Variants in KCNJ14 observed in about 807,000 individuals in gnomAD.
The protein encoded by KCNJ14 is potassium inwardly rectifying channel subfamily J member 14.
In KCNJ14, 18 loss-of-function variants were observed where a neutral mutation model predicts 24.5. That is an observed-to-expected ratio of 0.74 (90% CI 0.51 to 1.09). The LOEUF (loss-of-function observed/expected upper bound fraction) is 1.09. Ranked by LOEUF, KCNJ14 falls within the 50% of genes least tolerant of loss-of-function variation. The pLI, the probability that KCNJ14 is intolerant of heterozygous loss-of-function variation, is 0.00. For synonymous variants in KCNJ14, 288 were observed against 270.8 expected (o/e 1.06, Z -0.63); for missense variants, 633 against 623.0 (o/e 1.02, Z -0.17).
rs1179175946 is a variant in KCNJ14 at position 48,464,575 on chromosome 19, C to T, written c.1109C>T (p.Ala370Val). ...AGTGCTAAGGAGCTGGATGAACGGG[C>T]AGAGCAGGCTTCCCACAGCCTCAAG... is the stretch of plus-strand genomic sequence containing the variant. ...VCSAKELDER[A>V]EQASHSLKSS... Residue 370 changes from alanine (A) to valine (V), a missense_variant, in exon 3 of 3, where the codon GCA (alanine) becomes GTA (valine). By Grantham distance (64) the Ala-to-Val change is moderately conservative. Transcript: ENST00000342291. 1.9e-6 allele frequency: 3 copies of T among 1,614,110 alleles called. No homozygotes were observed. The highest frequency in any genetic ancestry group is 2.5e-6 in the Non-Finnish European group (3 of 1,180,028).
rs188584392 is a variant in KCNJ14, at chr19:48,465,769, A to G, written c.*992A>G. ...TTGCCCAATGGAGTTGAGAATCTCA[A>G]TGATTCTAGATGACTTCTTGTGGTT... On this transcript the variant is annotated 3_prime_UTR_variant, in exon 3 of 3. Coordinates refer to ENST00000342291, the MANE Select transcript of KCNJ14 (RefSeq NM_013348.4). 14 of 152,668 alleles carry G rather than the reference A, an allele frequency of 9.2e-5. No individual in the cohort carries two copies. The highest frequency in any genetic ancestry group is 1.5e-4 in the Non-Finnish European group (10 of 68,050). The allele number at this position is 152,668 out of a possible 1,614,324, so 9.5% of individuals were successfully genotyped here. A position where few individuals can be genotyped will look rare whatever the true frequency, so the allele number is the denominator to read the frequency against.
rs181422380 is a variant in KCNJ14 at position 48,466,291 on chromosome 19, G to C, written c.*1514G>C. Reference sequence around the variant, plus strand: ...GACGGGGTTTCGCCATGTTGGCGAGGTTGGTCTTGAACTCCCGACCTCAGA... The same window carrying C: ...GACGGGGTTTCGCCATGTTGGCGAGCTTGGTCTTGAACTCCCGACCTCAGA... On this transcript the variant is annotated 3_prime_UTR_variant, in exon 3 of 3. Coordinates refer to ENST00000342291, the MANE Select transcript of KCNJ14 (RefSeq NM_013348.4). 2.0e-5 allele frequency: 3 copies of C among 151,986 alleles called. No individual in the cohort carries two copies. In the East Asian group the frequency reaches 5.8e-4, roughly 29 times the overall value. 9.4% of individuals were successfully genotyped at this position (151,986 alleles called of 1,614,324 possible).
chr19:48,459,587 C>G (rs138922885), intron 1 of KCNJ14, among the ~76,000 whole-genome samples: 1 of 152,176 alleles, frequency 6.6e-6, no homozygotes, highest in Admixed American at 6.5e-5. Context: ...GTAGAGCAAG[C>G]CCCTTGCTAT....
intron 2 of KCNJ14, among the ~76,000 whole-genome samples, chr19:48,463,611 C>G (rs1375405750): frequency 6.6e-6 from 1 of 152,186 alleles, no homozygotes; most frequent in Non-Finnish European, 1.5e-5. Flanking sequence ...CAGGGATAAG[C>G]CTGAGGCAGT....
Position 48,462,144 on chromosome 19 carries a change from C to T in KCNJ14, c.420C>T (p.Phe140=), listed in dbSNP as rs1224194030. The change falls in exon 2 of 3, where the codon TTC becomes TTT. Residue 140 remains phenylalanine (F), a synonymous_variant. Coordinates refer to ENST00000342291, the MANE Select transcript of KCNJ14 (RefSeq NM_013348.4). This position sits in a 1 kb window ranked among gnomAD's most constrained non-coding sequence, Gnocchi z 4.9. The part of the protein sequence containing the change: ...HVASFLAAFL[F]ALETQTSIGY... ...CCAGCTTCCTGGCCGCCTTCCTCTT[C>T]GCGCTGGAGACGCAGACGTCCATCG... is the stretch of plus-strand genomic sequence containing the variant. The T allele has an allele frequency of 1.3e-6, 2 of 1,591,340 alleles. No individual in the cohort carries two copies. The highest frequency in any genetic ancestry group is 2.3e-5 in the East Asian group (1 of 43,766).
chr19:48,461,022 T>A (rs1474448884), intron 1 of KCNJ14, among the ~76,000 whole-genome samples: 1 of 151,000 alleles, frequency 6.6e-6, no homozygotes, highest in Non-Finnish European at 1.5e-5. Context: ...AAAAAAAATT[T>A]AAAAAAGAAG....
intron 1 of KCNJ14, among the ~76,000 whole-genome samples, chr19:48,457,400 A>C (rs1048302112): frequency 1.3e-5 from 2 of 152,216 alleles, no homozygotes; most frequent in African/African-American, 4.8e-5. Flanking sequence ...CAGAGATCCC[A>C]GGGGACATGG....
At chr19:48,456,817 C>T (rs1971544027) in intron 1 of KCNJ14, 1 of 151,930 alleles carries the variant, frequency 6.6e-6, no homozygotes, top group Non-Finnish European at 1.5e-5. Context: ...TGCTGCGATT[C>T]CCTCCATTTC....
In KCNJ14 at chr19:48,461,673, GT is replaced by G. The variant is rs1324451603; in HGVS notation, c.-50del. Reference sequence around the variant, plus strand: ...TTCTGCCGGTTTCTTGTCCCAGCAGGTTGGGGGCGCCTGCCCCCCACTAGGC... The same window carrying G: ...TTCTGCCGGTTTCTTGTCCCAGCAGGTGGGGGCGCCTGCCCCCCACTAGGC... On this transcript the variant is annotated 5_prime_UTR_variant, in exon 2 of 3. An upstream open reading frame in the 5' UTR loses its in-frame stop. Coordinates refer to ENST00000342291, the MANE Select transcript of KCNJ14 (RefSeq NM_013348.4). 28 of 1,189,804 alleles carry G rather than the reference GT, an allele frequency of 2.4e-5. No individual in the cohort carries two copies. The East Asian group carries it at 7.6e-4, about 32-fold the overall frequency. 73.7% of individuals were successfully genotyped at this position (1,189,804 alleles called of 1,614,324 possible).
chr19:48,458,935 CAAAAAAAA>C lies in KCNJ14; in HGVS notation c.-55-2718_-55-2711del, dbSNP rs34990679. On this transcript the variant is annotated intron_variant, in intron 1 of 2. Transcript: ENST00000342291. Reference sequence around the variant, plus strand: ...TGGGCCACTGAGTGAGACTCCGTCTCAAAAAAAAAAAAAAAAAAAAAAAAGCCGGGGGT... The same window carrying C: ...TGGGCCACTGAGTGAGACTCCGTCTCAAAAAAAAAAAAAAAAGCCGGGGGT... Among the ~76,000 whole-genome samples, 5 of 38,650 alleles carry C rather than the reference CAAAAAAAA, an allele frequency of 1.3e-4. 1 individual carries two copies. Among genetic ancestry groups the C allele is most frequent in the Admixed American group, 9.3e-4 (2 of 2,154 alleles). 25.4% of individuals were successfully genotyped at this position (38,650 alleles called of 152,430 possible). A position where few individuals can be genotyped will look rare whatever the true frequency, so the allele number is the denominator to read the frequency against.
rs1220464184 is a variant in KCNJ14, at chr19:48,465,640, T to C, written c.*863T>C. 1 of 152,538 alleles carries C rather than the reference T, an allele frequency of 6.6e-6. No homozygotes were observed. Among genetic ancestry groups the C allele is most frequent in the Non-Finnish European group, 1.5e-5 (1 of 68,032 alleles). The allele number at this position is 152,538 out of a possible 1,614,324, so 9.4% of individuals were successfully genotyped here. A position where few individuals can be genotyped will look rare whatever the true frequency, so the allele number is the denominator to read the frequency against. On this transcript the variant is annotated 3_prime_UTR_variant, in exon 3 of 3. Transcript: ENST00000342291. ...TGGGTTGTTTTTTTTTAAAGTGCCA[T>C]TCTAGAATGTCCAAAGGGAATCAGG...
chr19:48,457,532 T>C (rs1473213745), intron 1 of KCNJ14, among the ~76,000 whole-genome samples: 2 of 152,222 alleles, frequency 1.3e-5, no homozygotes, highest in Non-Finnish European at 2.9e-5. Flanking sequence ...CAGAAAGAGT[T>C]GCCAAAGATC....
At chr19:48,464,068 T>C in intron 2 of KCNJ14, 113 bp from the exon 3 acceptor site, 1 of 767,694 alleles carries the variant, frequency 1.3e-6, no homozygotes, top group Admixed American at 1.9e-5. Flanking sequence ...CTCACCCTTT[T>C]CTTCACTCCT....
At position 48,461,871 on chromosome 19, in the gene KCNJ14, C is replaced by T. The variant is rs754530854; in HGVS notation, c.147C>T (p.Arg49=). 1.3e-6 allele frequency: 2 copies of T among 1,577,874 alleles called. No individual in the cohort carries two copies. The highest frequency in any genetic ancestry group is 3.6e-5 in the Admixed American group (2 of 55,848). The part of the protein sequence containing the change: ...APVQSPVGRR[R]GRFVKKDGHC... The stretch of plus-strand genomic sequence containing the variant: ...TGCAGTCACCCGTGGGCCGGCGCCG[C>T]GGTCGCTTCGTCAAGAAAGACGGGC... Residue 49 remains arginine, a synonymous_variant, in exon 2 of 3, where the codon CGC becomes CGT. Transcript: ENST00000342291.
rs906427242 is a variant in KCNJ14 at position 48,465,765 on chromosome 19, C to T, written c.*988C>T. 11 of 152,614 alleles carry T rather than the reference C, an allele frequency of 7.2e-5. No homozygotes were observed. Among genetic ancestry groups the T allele is most frequent in the Non-Finnish European group, 4.4e-5 (3 of 68,040 alleles). The allele number at this position is 152,614 out of a possible 1,614,324, so 9.5% of individuals were successfully genotyped here. ...CAGTTTGCCCAATGGAGTTGAGAAT[C>T]TCAATGATTCTAGATGACTTCTTGT... On this transcript the variant is annotated 3_prime_UTR_variant, in exon 3 of 3. Coordinates refer to ENST00000342291, the MANE Select transcript of KCNJ14 (RefSeq NM_013348.4).
At position 48,462,342 on chromosome 19, in the gene KCNJ14, G is replaced by A. The variant is rs759532571; in HGVS notation, c.618G>A (p.Val206=). Reference sequence around the variant, plus strand: ...TGGTCTTCAGCGAGAACGCCGTCGTGGCGCTGCGCGACCACCGCCTCTGCC... The same window carrying A: ...TGGTCTTCAGCGAGAACGCCGTCGTAGCGCTGCGCGACCACCGCCTCTGCC... The part of the protein sequence containing the change: ...ETLVFSENAV[V]ALRDHRLCLM... Residue 206 remains valine, a synonymous_variant, in exon 2 of 3, where the codon GTG becomes GTA. Transcript: ENST00000342291. The surrounding 1 kb of genome is among the most constrained non-coding windows in gnomAD (Gnocchi z 4.9). 1.3e-6 allele frequency: 2 copies of A among 1,545,436 alleles called. No individual in the cohort carries two copies. Among genetic ancestry groups the A allele is most frequent in the South Asian group, 1.2e-5 (1 of 84,300 alleles).
rs574166609 is a variant in KCNJ14, at chr19:48,466,086, T to C, written c.*1309T>C. On this transcript the variant is annotated 3_prime_UTR_variant, in exon 3 of 3. Transcript: ENST00000342291. The stretch of plus-strand genomic sequence containing the variant: ...GTCTATTTCTTTTTCTTTTTCTTTT[T>C]TTTTTTTTTTTGAGACTGAGTCTCG... The C allele has an allele frequency of 2.0e-5, 3 of 146,884 alleles. No individual in the cohort carries two copies. Among genetic ancestry groups the C allele is most frequent in the African/African-American group, 7.3e-5 (3 of 40,988 alleles). The allele number at this position is 146,884 out of a possible 1,614,324, so 9.1% of individuals were successfully genotyped here.
At chr19:48,461,645 C>T (rs1971598413) in intron 1 of KCNJ14, 25 bp from the exon 2 acceptor site, 2 of 862,520 alleles carry the variant, frequency 2.3e-6, no homozygotes, top group African/African-American at 1.8e-5. Context: ...TTGCCCCTGA[C>T]GTTTCTGCCG....
chr19:48,462,341 T>C lies in KCNJ14; in HGVS notation c.617T>C (p.Val206Ala), dbSNP rs1971610844. 6.5e-7 allele frequency: 1 copy of C among 1,545,882 alleles called. No homozygotes were observed. Among genetic ancestry groups the C allele is most frequent in the Non-Finnish European group, 8.8e-7 (1 of 1,142,188 alleles). Residue 206 changes from valine (V) to alanine (A), a missense_variant, in exon 2 of 3, where the codon GTG becomes GCG. By Grantham distance (64) the Val-to-Ala change is moderately conservative (BLOSUM62 0). Coordinates refer to ENST00000342291, the MANE Select transcript of KCNJ14 (RefSeq NM_013348.4). The surrounding 1 kb of genome is among the most constrained non-coding windows in gnomAD (Gnocchi z 4.9). Reference sequence around the variant, plus strand: ...CTGGTCTTCAGCGAGAACGCCGTCGTGGCGCTGCGCGACCACCGCCTCTGC... The same window carrying C: ...CTGGTCTTCAGCGAGAACGCCGTCGCGGCGCTGCGCGACCACCGCCTCTGC... ...ETLVFSENAV[V>A]ALRDHRLCLM...
Sources: allele counts gnomAD v4.1 joint callset (sites outside exome capture counted in the v4.1 genomes callset), GRCh38; gene constraint gnomAD v4.1.1; non-coding constraint Gnocchi (gnomAD v3.1); transcripts MANE v1.5; gene names NCBI Gene and HGNC (gene_info 2026-07-23, HGNC 2026-07-21).